The following GULP1 variants were observed in gnomAD, a reference collection of about 807,000 sequenced individuals.
GULP1 encodes GULP PTB domain containing engulfment adaptor 1.
GULP1 carries 19 observed loss-of-function variants against 40.9 expected under a neutral mutation model. The ratio of observed to expected loss-of-function variants is 0.46; its 90% CI spans 0.32 to 0.68. The LOEUF is 0.68. Ranked by LOEUF, GULP1 falls within the 30% of genes least tolerant of loss-of-function variation. The pLI is 0.03. For missense variants in GULP1, 312 were observed against 362.2 expected, an observed-to-expected ratio of 0.86 and a Z score of 1.12; for synonymous variants, 119 against 117.6, an observed-to-expected ratio of 1.01 and a Z score of -0.08.
intron 2 of GULP1, among the ~76,000 whole-genome samples, chr2:188,407,460 G>A (rs750446948): frequency 1.3e-5 from 2 of 152,090 alleles, no homozygotes; most frequent in African/African-American, 2.4e-5. Flanking sequence ...AATTATTTAA[G>A]GATTACACAG....
At chr2:188,582,648 A>T in intron 9 of GULP1, 3 of 396,486 alleles carry the variant, frequency 7.6e-6, no homozygotes, top group South Asian at 3.9e-5. Context: ...TTGTAAAGTT[A>T]TCAAAAATTT....
intron 2 of GULP1, among the ~76,000 whole-genome samples, chr2:188,458,595 T>A (rs200894776): frequency 6.6e-6 from 1 of 152,180 alleles, no homozygotes; most frequent in East Asian, 1.9e-4. Flanking sequence ...TGAAGTGTTT[T>A]AATACAGACA....
At chr2:188,548,999 A>G (rs1196864391) in intron 7 of GULP1, among the ~76,000 whole-genome samples, 1 of 151,878 alleles carries the variant, frequency 6.6e-6, no homozygotes, top group Non-Finnish European at 1.5e-5. Context: ...CAACTATAAA[A>G]CATTTAGAAA....
At chr2:188,488,707 C>T (rs889583586) in intron 4 of GULP1, among the ~76,000 whole-genome samples, 10 of 152,130 alleles carry the variant, frequency 6.6e-5, no homozygotes, top group East Asian at 3.9e-4. Flanking sequence ...AGACTCAATA[C>T]GGCCACCTTG....
At chr2:188,440,751 T>C (rs1052210581) in intron 2 of GULP1, among the ~76,000 whole-genome samples, 5 of 152,206 alleles carry the variant, frequency 3.3e-5, no homozygotes, top group Non-Finnish European at 5.9e-5. Context: ...CCAAGTTGTT[T>C]GTTATCAACT....
At chr2:188,583,395 A>G (rs1236055649) in intron 9 of GULP1, among the ~76,000 whole-genome samples, 1 of 152,174 alleles carries the variant, frequency 6.6e-6, no homozygotes, top group Admixed American at 6.5e-5. Flanking sequence ...TTCTCACAGG[A>G]AAAGCAAATT....
intron 1 of GULP1, among the ~76,000 whole-genome samples, chr2:188,338,432 G>A (rs533666999): frequency 1.7e-4 from 26 of 151,952 alleles, no homozygotes; most frequent in African/African-American, 6.3e-4. Flanking sequence ...AGCCTCCCAA[G>A]TAGCCGGAAC....
chr2:188,504,950 T>A (rs977321474), intron 4 of GULP1, among the ~76,000 whole-genome samples: 2 of 151,638 alleles, frequency 1.3e-5, no homozygotes, highest in Non-Finnish European at 3.0e-5. Context: ...TTTGCTTTGT[T>A]GTTTTTTTTT....
intron 4 of GULP1, among the ~76,000 whole-genome samples, chr2:188,510,390 C>T (rs117184861): frequency 1.3e-5 from 2 of 151,732 alleles, no homozygotes; most frequent in African/African-American, 4.8e-5. Context: ...ACCATATTGG[C>T]GAGGAAAAAG....
intron 7 of GULP1, among the ~76,000 whole-genome samples, chr2:188,554,352 T>G (rs1322420255): frequency 6.6e-6 from 1 of 151,900 alleles, no homozygotes; most frequent in East Asian, 1.9e-4. Context: ...TGTTTCCATT[T>G]GTTTCAAGAA....
At chr2:188,327,603 T>C (rs1574441057) in intron 1 of GULP1, among the ~76,000 whole-genome samples, 1 of 152,110 alleles carries the variant, frequency 6.6e-6, no homozygotes, top group Admixed American at 6.6e-5. Flanking sequence ...CATGACCATA[T>C]GTAACATTTG....
At chr2:188,551,724 T>A (rs1225733135) in intron 7 of GULP1, among the ~76,000 whole-genome samples, 1 of 151,732 alleles carries the variant, frequency 6.6e-6, no homozygotes, top group Non-Finnish European at 1.5e-5. Flanking sequence ...ATAAGTATAT[T>A]TGCAGGTTTT....
intron 4 of GULP1, among the ~76,000 whole-genome samples, chr2:188,505,259 A>G (rs2063793760): frequency 6.6e-6 from 1 of 151,696 alleles, no homozygotes; most frequent in African/African-American, 2.4e-5. Context: ...TCCTTCCACA[A>G]CTATCCTGTA....
At chr2:188,307,260 A>C (rs909636879) in intron 1 of GULP1, among the ~76,000 whole-genome samples, 1 of 152,212 alleles carries the variant, frequency 6.6e-6, no homozygotes, top group African/African-American at 2.4e-5. Context: ...TGATAAATAC[A>C]GGTAGAACAA....
chr2:188,540,774 G>T (rs1475123791), intron 6 of GULP1, among the ~76,000 whole-genome samples: 1 of 152,088 alleles, frequency 6.6e-6, no homozygotes, highest in South Asian at 2.1e-4. Context: ...GAGATAAAAT[G>T]AGAATTGCTC....
intron 1 of GULP1, among the ~76,000 whole-genome samples, chr2:188,375,972 A>G (rs1446361530): frequency 6.6e-6 from 1 of 152,118 alleles, no homozygotes; most frequent in African/African-American, 2.4e-5. Flanking sequence ...CGGAACCCGT[A>G]TATATGAAAA....
At chr2:188,510,986 A>AT (rs1188867433) in intron 4 of GULP1, among the ~76,000 whole-genome samples, 1 of 151,956 alleles carries the variant, frequency 6.6e-6, no homozygotes. Context: ...TTATTATTTC[A>AT]TTTTTATTTC....
chr2:188,442,428 A>G (rs1046019613), intron 2 of GULP1, among the ~76,000 whole-genome samples: 8 of 152,206 alleles, frequency 5.3e-5, no homozygotes, highest in Non-Finnish European at 1.0e-4. Context: ...ATTATAATGG[A>G]TAACCAATTT....
chr2:188,402,021 G>A lies in GULP1; in HGVS notation c.-45+18132G>A, dbSNP rs960948793. Among the ~76,000 whole-genome samples, 7 of 152,042 alleles carry A rather than the reference G, an allele frequency of 4.6e-5. No individual in the cohort carries two copies. The East Asian group carries it at 7.7e-4, about 17-fold the overall frequency. On this transcript the variant is annotated intron_variant, in intron 2 of 11. Coordinates refer to ENST00000409830, the MANE Select transcript of GULP1 (RefSeq NM_016315.4). ...ACGGGTTGTGCCATGAGAACAGAAC[G>A]TATTTGCACATTCTTCTTTTCTCTC...
Sources: gnomAD v4.1 joint callset for allele counts (sites outside exome capture counted in the v4.1 genomes callset) on GRCh38, gnomAD v4.1.1 for gene constraint, MANE v1.5 for transcripts, NCBI Gene and HGNC (gene_info 2026-07-23, HGNC 2026-07-21) for gene names.